Variants in HDHD5 observed in about 807,000 individuals in gnomAD.
The protein encoded by HDHD5 is haloacid dehalogenase-like hydrolase domain-containing 5.
In HDHD5, 34 loss-of-function variants were observed where a neutral mutation model predicts 35.5. That is an observed-to-expected ratio of 0.96 (90% CI 0.73 to 1.28). HDHD5 has a LOEUF of 1.28. Ranked by LOEUF, HDHD5 falls within the 50% of genes most tolerant of loss-of-function variation. The pLI, the probability that HDHD5 is intolerant of heterozygous loss-of-function variation, is 0.00. For synonymous variants in HDHD5, 248 were observed against 240.6 expected (o/e 1.03, Z -0.29); for missense variants, 589 against 560.2 (o/e 1.05, Z -0.52).
In HDHD5 at chr22:17,149,599, A is replaced by G. The variant is rs773431442; in HGVS notation, c.273T>C (p.Ala91=). ...LRVPVVFVTN[A]GNILQHSKAQ... ...CTTTGCTGTGTTGTAAGATGTTCCC[A>G]GCATTTGTAACAAAAACCACGGGCA... is the stretch of plus-strand genomic sequence containing the variant. The change falls in exon 2 of 8, where the codon GCT becomes GCC. Residue 91 remains alanine, a synonymous_variant. Transcript: ENST00000336737. The G allele has an allele frequency of 6.2e-7, 1 of 1,613,158 alleles. No individual in the cohort carries two copies. The highest frequency in any genetic ancestry group is 1.7e-5 in the Admixed American group (1 of 60,024).
At chr22:17,151,595 T>C (rs2061725170) in intron 1 of HDHD5, among the ~76,000 whole-genome samples, 1 of 151,566 alleles carries the variant, frequency 6.6e-6, no homozygotes, top group East Asian at 1.9e-4. Context: ...CTGGGTGTGG[T>C]GGTGGGCGCC....
At chr22:17,141,824 G>A (rs2061603934) in intron 5 of HDHD5, 1 of 155,544 alleles carries the variant, frequency 6.4e-6, no homozygotes, top group African/African-American at 2.4e-5. Flanking sequence ...AACAGCCCAG[G>A]ACTAGACACA....
intron 2 of HDHD5, 31 bp from the exon 3 acceptor site, chr22:17,148,591 G>A (rs756956261): frequency 6.7e-7 from 1 of 1,502,690 alleles, no homozygotes; most frequent in South Asian, 1.1e-5. Flanking sequence ...GGGGAGGGCA[G>A]AGGAAGACAG....
In HDHD5 at chr22:17,137,991, G is replaced by C; in HGVS notation, c.*30C>G. 1 of 1,572,010 alleles carries C rather than the reference G, an allele frequency of 6.4e-7. No individual in the cohort carries two copies. The highest frequency in any genetic ancestry group is 8.7e-7 in the Non-Finnish European group (1 of 1,151,168). On this transcript the variant is annotated 3_prime_UTR_variant, in exon 8 of 8. Coordinates refer to ENST00000336737, the MANE Select transcript of HDHD5 (RefSeq NM_033070.3). ...CAATGGGACTCGCCCACAGGTCCAG[G>C]CTCACCCCCTCACCTCCACCGCACT...
At chr22:17,150,373 A>C (rs1449443553) in intron 1 of HDHD5, among the ~76,000 whole-genome samples, 2 of 152,218 alleles carry the variant, frequency 1.3e-5, no homozygotes, top group East Asian at 3.8e-4. Flanking sequence ...TCTTGTCTCC[A>C]ACTTACTTAG....
Position 17,141,039 on chromosome 22 carries a change from T to C in HDHD5, c.746+20A>G. 1.3e-6 allele frequency: 2 copies of C among 1,561,616 alleles called. No homozygotes were observed. The highest frequency in any genetic ancestry group is 1.7e-6 in the Non-Finnish European group (2 of 1,157,374). On this transcript the variant is annotated intron_variant, in intron 6 of 7. Coordinates refer to ENST00000336737, the MANE Select transcript of HDHD5 (RefSeq NM_033070.3). Reference sequence around the variant, plus strand: ...CAGGAATAGACCACCAGGCCAAGGCTGGGAGCTTTGTGTCCTCACCTGGGC... The same window carrying C: ...CAGGAATAGACCACCAGGCCAAGGCCGGGAGCTTTGTGTCCTCACCTGGGC...
At chr22:17,144,252 G>A (rs1398066274) in intron 4 of HDHD5, among the ~76,000 whole-genome samples, 1 of 151,952 alleles carries the variant, frequency 6.6e-6, no homozygotes, top group Non-Finnish European at 1.5e-5. Context: ...GCTTCTCTGG[G>A]CTTTTTCCTT....
intron 1 of HDHD5, among the ~76,000 whole-genome samples, chr22:17,150,843 T>C (rs2061718173): frequency 6.6e-6 from 1 of 152,216 alleles, no homozygotes; most frequent in Admixed American, 6.5e-5. Context: ...TAATTATGCA[T>C]AGCTCTATTT....
upstream of HDHD5, chr22:17,159,723 G>A: frequency 3.4e-6 from 1 of 297,648 alleles, no homozygotes; most frequent in Non-Finnish European, 6.6e-6. Context: ...CAATTGTTAA[G>A]TCTTTCATTG....
At chr22:17,159,365 G>A (rs2061843726), upstream of HDHD5, 1 of 1,192,336 alleles carries the variant, frequency 8.4e-7, no homozygotes, top group Non-Finnish European at 1.1e-6. Flanking sequence ...TTGTAGTCCT[G>A]TAAGCGCGCG....
intron 1 of HDHD5, among the ~76,000 whole-genome samples, chr22:17,152,969 G>A (rs1219384446): frequency 6.6e-6 from 1 of 152,040 alleles, no homozygotes; most frequent in Non-Finnish European, 1.5e-5. Context: ...AAAAACAGGA[G>A]GAAGCAACTC....
At chr22:17,151,406 A>C (rs1030265644) in intron 1 of HDHD5, among the ~76,000 whole-genome samples, 1 of 152,176 alleles carries the variant, frequency 6.6e-6, no homozygotes, top group Non-Finnish European at 1.5e-5. Flanking sequence ...CTACGCACAG[A>C]GCTCCCTTTA....
At chr22:17,142,433 CT>C (rs2061610399) in intron 5 of HDHD5, 2 of 152,204 alleles carry the variant, frequency 1.3e-5, no homozygotes, top group African/African-American at 4.8e-5. Flanking sequence ...TGTACTTTGC[CT>C]TTTCAAAACT....
Position 17,159,163 on chromosome 22 carries a change from C to T in HDHD5, c.89G>A (p.Arg30His), listed in dbSNP as rs748293207. Reference sequence around the variant, plus strand: ...CACAGCATAGCACCTGCGGGCGGGGCGGCCCTGGAGCCCCGCAGCCGCGCG... The same window carrying T: ...CACAGCATAGCACCTGCGGGCGGGGTGGCCCTGGAGCCCCGCAGCCGCGCG... Reference protein sequence around the residue: ...AARAAAGLQGRPARRCYAVGP... With the variant: ...AARAAAGLQGHPARRCYAVGP... Residue 30 changes from arginine (R) to histidine (H), a missense_variant, in exon 1 of 8, where the codon CGC becomes CAC. Arg to His is a conservative substitution (Grantham distance 29). Transcript: ENST00000336737. 3 of 1,220,018 alleles carry T rather than the reference C, an allele frequency of 2.5e-6. No individual in the cohort carries two copies. The highest frequency in any genetic ancestry group is 1.6e-5 in the African/African-American group (1 of 63,764). The allele number at this position is 1,220,018 out of a possible 1,614,324, so 75.6% of individuals were successfully genotyped here. A position where few individuals can be genotyped will look rare whatever the true frequency, so the allele number is the denominator to read the frequency against.
intron 5 of HDHD5, chr22:17,142,526 A>G (rs2061610945): frequency 6.6e-6 from 1 of 152,222 alleles, no homozygotes; most frequent in Non-Finnish European, 1.5e-5. Context: ...CCGGTAAAAC[A>G]CGCCTGTCAC....
chr22:17,155,033 G>A (rs1393541217), intron 1 of HDHD5, among the ~76,000 whole-genome samples: 1 of 152,126 alleles, frequency 6.6e-6, no homozygotes, highest in Non-Finnish European at 1.5e-5. Flanking sequence ...AAGGAGGAGG[G>A]AGATAAGCAA....
chr22:17,147,827 G>A (rs1342657621), intron 3 of HDHD5, among the ~76,000 whole-genome samples: 9 of 151,970 alleles, frequency 5.9e-5, no homozygotes, highest in African/African-American at 9.7e-5. Flanking sequence ...ACACGCCATC[G>A]CACACGCTCC....
At chr22:17,147,380 TTCGA>T (rs1324982737) in intron 3 of HDHD5, among the ~76,000 whole-genome samples, 4 of 112,200 alleles carry the variant, frequency 3.6e-5, no homozygotes, top group African/African-American at 7.0e-5. Flanking sequence ...CTTACCGGCC[TTCGA>T]TCACATGCCA....
At chr22:17,161,076 G>A (rs2061860285), upstream of HDHD5, among the ~76,000 whole-genome samples, 1 of 151,614 alleles carries the variant, frequency 6.6e-6, no homozygotes, top group African/African-American at 2.4e-5. Flanking sequence ...CCAACATGGC[G>A]AAACCCGTCT....
Sources: allele counts gnomAD v4.1 joint callset (sites outside exome capture counted in the v4.1 genomes callset), GRCh38; gene constraint gnomAD v4.1.1; transcripts MANE v1.5; gene names NCBI Gene and HGNC (gene_info 2026-07-23, HGNC 2026-07-21).